SNX31: variants seen among roughly 807,000 people sequenced by gnomAD.
SNX31 encodes sorting nexin-31.
SNX31 carries 58 observed loss-of-function variants against 65.4 expected under a neutral mutation model. The ratio of observed to expected loss-of-function variants is 0.89; its 90% CI spans 0.72 to 1.10. The LOEUF is 1.10. SNX31 is among the 50% of genes least tolerant of loss of function. The pLI is 0.00. For missense variants in SNX31, 523 were observed against 529.7 expected (o/e 0.99, Z 0.12); for synonymous variants, 181 against 190.1 (o/e 0.95, Z 0.39).
intron 5 of SNX31, among the ~76,000 whole-genome samples, chr8:100,615,928 C>A (rs1309231283): frequency 6.6e-6 from 1 of 151,682 alleles, no homozygotes; most frequent in African/African-American, 2.4e-5. Context: ...CGCCACCACG[C>A]CCGGCTAATT....
At position 100,584,095 on chromosome 8, in the gene SNX31, A is replaced by C. The variant is rs750834721; in HGVS notation, c.1170+16T>G. 6.3e-6 allele frequency: 10 copies of C among 1,596,590 alleles called. No individual in the cohort carries two copies. The African/African-American group carries it at 1.1e-4, about 17-fold the overall frequency. On this transcript the variant is annotated intron_variant, in intron 12 of 13. Coordinates refer to ENST00000311812, the MANE Select transcript of SNX31 (RefSeq NM_152628.4). ...GGAACGTAAAGTGAAAAATAGACAC[A>C]GATAAGAGCACTCACCATTTCTGTA... is the stretch of plus-strand genomic sequence containing the variant.
At chr8:100,645,146 G>A (rs79577116) in intron 2 of SNX31, among the ~76,000 whole-genome samples, 9,996 of 152,290 alleles carry the variant, frequency 0.066, 458 homozygotes, top group Non-Finnish European at 0.095. Flanking sequence ...AACAGAATGC[G>A]TGGCATATAA....
In SNX31 at chr8:100,600,526, T is replaced by C. The variant is rs1025869747; in HGVS notation, c.682-85A>G. The C allele has an allele frequency of 4.5e-6, 5 of 1,099,016 alleles. No individual in the cohort carries two copies. In the South Asian group the frequency reaches 7.2e-5, roughly 16 times the overall value. 68.1% of individuals were successfully genotyped at this position (1,099,016 alleles called of 1,614,324 possible). On this transcript the variant is annotated intron_variant, in intron 8 of 13. Coordinates refer to ENST00000311812, the MANE Select transcript of SNX31 (RefSeq NM_152628.4). ...AAACATACTCTTGTATGAAGGGATA[T>C]AAAAACAAACCCAAGTGGATATATA...
At chr8:100,611,747 G>A (rs548918080) in intron 7 of SNX31, among the ~76,000 whole-genome samples, 1 of 152,230 alleles carries the variant, frequency 6.6e-6, no homozygotes, top group South Asian at 2.1e-4. Flanking sequence ...GTGGAGATGA[G>A]GTCTTGCTAT....
At chr8:100,618,769 G>A (rs532190453) in intron 4 of SNX31, 1 of 182,534 alleles carries the variant, frequency 5.5e-6, no homozygotes, top group South Asian at 1.3e-4. Flanking sequence ...AGCAAGGTGT[G>A]GGTGGGGTTT....
rs150849109 is a variant in SNX31, at chr8:100,622,664, GTAAA to G, written c.322-4938_322-4935del. Among the ~76,000 whole-genome samples the G allele has an allele frequency of 0.17, 24,694 of 149,540 alleles. 2,447 individuals carry two copies. The highest frequency in any genetic ancestry group is 0.27 in the African/African-American group (11,151 of 40,592). ...AGACTCCCTCTCAAAAAATAAATAA[GTAAA>G]TAAATAAATAAATAAATAAATAAAT... On this transcript the variant is annotated intron_variant, in intron 4 of 13. Transcript: ENST00000311812. This position sits in a 1 kb window ranked among gnomAD's most constrained non-coding sequence, Gnocchi z 5.0.
At chr8:100,647,750 C>T (rs1309583230) in intron 2 of SNX31, among the ~76,000 whole-genome samples, 1 of 152,214 alleles carries the variant, frequency 6.6e-6, no homozygotes, top group East Asian at 1.9e-4. Context: ...GCCTCCTGCT[C>T]TGCTCCTGCC....
chr8:100,617,754 TA>T (rs759757418), intron 4 of SNX31, 24 bp from the exon 5 acceptor site: 18 of 1,511,594 alleles, frequency 1.2e-5, no homozygotes, highest in Non-Finnish European at 3.6e-6. Context: ...AAAAGCAAAA[TA>T]AATTTCCACA....
intron 13 of SNX31, among the ~76,000 whole-genome samples, chr8:100,574,522 A>T (rs996896977): frequency 6.6e-6 from 1 of 151,098 alleles, no homozygotes; most frequent in Non-Finnish European, 1.5e-5. Flanking sequence ...GGTCCGAGCT[A>T]TTCGGGAGGC....
chr8:100,592,667 G>A (rs1563523636), intron 10 of SNX31, among the ~76,000 whole-genome samples: 1 of 152,122 alleles, frequency 6.6e-6, no homozygotes, highest in Non-Finnish European at 1.5e-5. Context: ...ACAAAAGCTT[G>A]TGCACAAATG....
In SNX31 at chr8:100,630,432, G is replaced by C; in HGVS notation, c.257-41C>G. The C allele has an allele frequency of 6.4e-7, 1 of 1,569,120 alleles. No individual in the cohort carries two copies. The highest frequency in any genetic ancestry group is 8.7e-7 in the Non-Finnish European group (1 of 1,148,946). The stretch of plus-strand genomic sequence containing the variant: ...GGTGAGCCAGGTTAGCATGGGCTGG[G>C]CTGGGCCCTGCCTATTAATTGCTAT... On this transcript the variant is annotated intron_variant, in intron 3 of 13. Transcript: ENST00000311812. The surrounding 1 kb of genome is among the most constrained non-coding windows in gnomAD (Gnocchi z 5.3).
chr8:100,653,325 C>A (rs1286106559), upstream of SNX31, among the ~76,000 whole-genome samples: 1 of 152,196 alleles, frequency 6.6e-6, no homozygotes, highest in South Asian at 2.1e-4. Context: ...TCCAGAACAC[C>A]TACTCAGAGA....
upstream of SNX31, among the ~76,000 whole-genome samples, chr8:100,650,526 C>A (rs904974598): frequency 1.3e-5 from 2 of 152,166 alleles, no homozygotes; most frequent in Non-Finnish European, 2.9e-5. Flanking sequence ...TGCCAGTCAT[C>A]CCTGGGGTAA....
intron 3 of SNX31, among the ~76,000 whole-genome samples, chr8:100,632,259 T>C (rs779196808): frequency 6.6e-6 from 1 of 152,118 alleles, no homozygotes; most frequent in Non-Finnish European, 1.5e-5. Flanking sequence ...TGATCATCTG[T>C]GAAAAGGCCA....
intron 2 of SNX31, among the ~76,000 whole-genome samples, chr8:100,643,001 G>A (rs1156240714): frequency 2.6e-5 from 4 of 152,002 alleles, no homozygotes; most frequent in African/African-American, 9.7e-5. Flanking sequence ...GACCAGCCTG[G>A]CCAACATGGC....
intron 4 of SNX31, among the ~76,000 whole-genome samples, chr8:100,628,350 A>T (rs1394582281): frequency 6.6e-6 from 1 of 152,206 alleles, no homozygotes; most frequent in East Asian, 1.9e-4. Flanking sequence ...CAAATGTCCA[A>T]CAATGATAGA....
At chr8:100,661,444 T>C (rs566523731) in intron 1 of SNX31, among the ~76,000 whole-genome samples, 1 of 152,258 alleles carries the variant, frequency 6.6e-6, no homozygotes, top group African/African-American at 2.4e-5. Context: ...AAACCAGGAA[T>C]AACAAGACTG....
intron 1 of SNX31, among the ~76,000 whole-genome samples, chr8:100,655,482 C>A (rs1368801624): frequency 2.0e-5 from 3 of 152,078 alleles, no homozygotes; most frequent in African/African-American, 7.3e-5. Flanking sequence ...GTGGTGAATA[C>A]GTCTCACAAG....
chr8:100,582,773 C>T (rs549015686), intron 12 of SNX31, among the ~76,000 whole-genome samples: 1 of 151,534 alleles, frequency 6.6e-6, no homozygotes, highest in African/African-American at 2.4e-5. Flanking sequence ...GTCAGGAGAT[C>T]GAGACCATCC....
Sources: allele counts gnomAD v4.1 joint callset (sites outside exome capture counted in the v4.1 genomes callset), GRCh38; gene constraint gnomAD v4.1.1; non-coding constraint Gnocchi (gnomAD v3.1); transcripts MANE v1.5; gene names NCBI Gene and HGNC (gene_info 2026-07-23, HGNC 2026-07-21).